Variants in PNLIPRP3 observed in about 807,000 individuals in gnomAD.
PNLIPRP3 encodes the protein pancreatic lipase-related protein 3.
Under a neutral mutation model 52.8 loss-of-function variants are expected in PNLIPRP3, and 58 were observed. That is an observed-to-expected ratio of 1.10 (90% confidence interval 0.89 to 1.37). PNLIPRP3 has a LOEUF of 1.37. Ranked by LOEUF, PNLIPRP3 falls within the 40% of genes most tolerant of loss-of-function variation. The pLI is 0.00. For synonymous variants in PNLIPRP3, 192 were observed against 185.0 expected, an observed-to-expected ratio of 1.04 and a Z score of -0.31; for missense variants, 593 against 561.6, an observed-to-expected ratio of 1.06 and a Z score of -0.57.
intron 2 of PNLIPRP3, among the ~76,000 whole-genome samples, chr10:116,440,706 T>C (rs577696684): frequency 6.6e-6 from 1 of 152,184 alleles, no homozygotes; most frequent in Admixed American, 6.5e-5. Flanking sequence ...GTCTTTACAG[T>C]TACCTTTCTG....
At chr10:116,439,656 C>T in intron 2 of PNLIPRP3, 4 of 763,570 alleles carry the variant, frequency 5.2e-6, no homozygotes, top group Non-Finnish European at 9.6e-6. Context: ...TTAAGTTATT[C>T]CACATCTCAC....
chr10:116,468,084 C>T (rs572620963), intron 8 of PNLIPRP3, among the ~76,000 whole-genome samples: 415 of 143,324 alleles, frequency 2.9e-3, no homozygotes, highest in Non-Finnish European at 5.1e-3. Flanking sequence ...AAGATCGGGC[C>T]ACTGCACTCC....
chr10:116,470,180 G>A (rs1333279014), intron 9 of PNLIPRP3, among the ~76,000 whole-genome samples: 1 of 151,948 alleles, frequency 6.6e-6, no homozygotes, highest in Non-Finnish European at 1.5e-5. Context: ...TCCATGTTAC[G>A]TTGGAGCTGC....
intron 10 of PNLIPRP3, among the ~76,000 whole-genome samples, chr10:116,473,707 A>C (rs925403160): frequency 8.6e-5 from 13 of 151,946 alleles, no homozygotes; most frequent in African/African-American, 3.1e-4. Context: ...TTTTTAGTAG[A>C]GACGGGGTTC....
At chr10:116,455,908 T>A in intron 5 of PNLIPRP3, 78 bp downstream of exon 5, 1 of 1,000,466 alleles carries the variant, frequency 1.0e-6, no homozygotes. Flanking sequence ...GAACACCAAG[T>A]AATACTGCAG....
chr10:116,431,532 A>G (rs911175968), intron 1 of PNLIPRP3, among the ~76,000 whole-genome samples: 6 of 152,104 alleles, frequency 3.9e-5, no homozygotes, highest in African/African-American at 1.2e-4. Context: ...CTAGGACAGA[A>G]CCCCATATTT....
At chr10:116,443,801 G>GTATGTATATATATATA (rs1845898955) in intron 3 of PNLIPRP3, among the ~76,000 whole-genome samples, 1 of 11,158 alleles carries the variant, frequency 9.0e-5, no homozygotes, top group African/African-American at 1.9e-4. Flanking sequence ...ATGTGTGTGT[G>GTATGTATATATATATA]CATATATATA....
At chr10:116,443,745 ATGTG>A (rs369976900) in intron 3 of PNLIPRP3, among the ~76,000 whole-genome samples, 39 of 35,192 alleles carry the variant, frequency 1.1e-3, no homozygotes, top group African/African-American at 2.3e-3. Context: ...CTAATTACTA[ATGTG>A]TGTGTGTGTG....
intron 4 of PNLIPRP3, among the ~76,000 whole-genome samples, chr10:116,449,740 A>G (rs1434262140): frequency 6.6e-6 from 1 of 152,190 alleles, no homozygotes; most frequent in East Asian, 1.9e-4. Context: ...GCAACACTAT[A>G]GACCAAATGG....
At chr10:116,459,312 G>A (rs996927968) in intron 5 of PNLIPRP3, among the ~76,000 whole-genome samples, 1 of 150,504 alleles carries the variant, frequency 6.6e-6, no homozygotes, top group Non-Finnish European at 1.5e-5. Flanking sequence ...CCTATGACAA[G>A]CTAAGTGTGC....
intron 7 of PNLIPRP3, 73 bp from the exon 8 acceptor site, chr10:116,465,977 T>C: frequency 9.0e-7 from 1 of 1,105,186 alleles, no homozygotes; most frequent in Non-Finnish European, 1.4e-6. Context: ...TTACAGTTAC[T>C]GTTTCTAAGA....
chr10:116,455,530 TC>T (rs1369623185), intron 4 of PNLIPRP3, among the ~76,000 whole-genome samples, 191 bp from the exon 5 acceptor site: 1 of 152,166 alleles, frequency 6.6e-6, no homozygotes, highest in African/African-American at 2.4e-5. Context: ...AAGGCATTCT[TC>T]CAAGCTCATC....
At chr10:116,442,585 T>C (rs1225048382) in intron 2 of PNLIPRP3, among the ~76,000 whole-genome samples, 1 of 152,164 alleles carries the variant, frequency 6.6e-6, no homozygotes, top group Non-Finnish European at 1.5e-5. Flanking sequence ...CTTTTTGAGC[T>C]AGATGTGGTG....
At chr10:116,449,229 A>G (rs2133128422) in intron 4 of PNLIPRP3, among the ~76,000 whole-genome samples, 1 of 152,276 alleles carries the variant, frequency 6.6e-6, no homozygotes, top group East Asian at 1.9e-4. Flanking sequence ...AAAAACAATA[A>G]GTCCTTCTCC....
intron 10 of PNLIPRP3, among the ~76,000 whole-genome samples, chr10:116,472,488 C>G (rs1846388753): frequency 6.6e-6 from 1 of 152,182 alleles, no homozygotes; most frequent in Non-Finnish European, 1.5e-5. Flanking sequence ...ATTATACCTA[C>G]TAATTAGATG....
chr10:116,438,909 A>C (rs905618262), intron 2 of PNLIPRP3, among the ~76,000 whole-genome samples: 1 of 152,216 alleles, frequency 6.6e-6, no homozygotes, highest in African/African-American at 2.4e-5. Flanking sequence ...CTTAGCTTTA[A>C]AAAGAAGTGA....
chr10:116,444,854 A>T (rs1446929885), intron 4 of PNLIPRP3, among the ~76,000 whole-genome samples: 1 of 152,186 alleles, frequency 6.6e-6, no homozygotes, highest in East Asian at 1.9e-4. Flanking sequence ...CATCCTTCAA[A>T]TATTATTTGT....
chr10:116,456,069 G>A (rs768414783), intron 5 of PNLIPRP3, among the ~76,000 whole-genome samples: 1 of 152,162 alleles, frequency 6.6e-6, no homozygotes, highest in Non-Finnish European at 1.5e-5. Flanking sequence ...TCCCTCACCC[G>A]CAATTGAATG....
chr10:116,466,139 C>A lies in PNLIPRP3; in HGVS notation c.898C>A (p.Pro300Thr). 1 of 1,608,450 alleles carries A rather than the reference C, an allele frequency of 6.2e-7. No homozygotes were observed. The highest frequency in any genetic ancestry group is 1.1e-5 in the South Asian group (1 of 90,926). ...ILNPDAFIAYPCRSYTSFKAG... is the reference protein window; with the variant it reads ...ILNPDAFIAYTCRSYTSFKAG... Reference sequence around the variant, plus strand: ...TAATCCTGATGCATTTATTGCTTATCCTTGTAGATCCTACACATCTTTTAA... The same window carrying A: ...TAATCCTGATGCATTTATTGCTTATACTTGTAGATCCTACACATCTTTTAA... Residue 300 changes from proline (P) to threonine (T), a missense_variant, in exon 8 of 12, where the codon CCT (proline) becomes ACT (threonine). Transcript: ENST00000369230.
Sources: gnomAD v4.1 joint callset for allele counts (sites outside exome capture counted in the v4.1 genomes callset) on GRCh38, gnomAD v4.1.1 for gene constraint, MANE v1.5 for transcripts, NCBI Gene and HGNC (gene_info 2026-07-23, HGNC 2026-07-21) for gene names.